The following COL24A1 variants were observed in gnomAD, a reference collection of about 807,000 sequenced individuals.
COL24A1 encodes the protein collagen alpha-1(XXIV) chain.
In COL24A1, 224 loss-of-function variants were observed where a neutral mutation model predicts 253.9. The observed-to-expected ratio is 0.88, with a 90% confidence interval of 0.79 to 0.99. COL24A1 has a LOEUF of 0.99. COL24A1 is among the 50% of genes least tolerant of loss of function. The pLI, the probability that COL24A1 is intolerant of heterozygous loss-of-function variation, is 0.00. For missense variants in COL24A1, 2,131 were observed against 2,068.5 expected, an observed-to-expected ratio of 1.03 and a Z score of -0.59; for synonymous variants, 685 against 673.7, an observed-to-expected ratio of 1.02 and a Z score of -0.26.
chr1:85,779,135 A>G (rs1487675753), intron 52 of COL24A1, among the ~76,000 whole-genome samples: 2 of 151,856 alleles, frequency 1.3e-5, no homozygotes, highest in African/African-American at 4.8e-5. Flanking sequence ...CCTCCCAAGT[A>G]GCTAGGGCTT....
intron 24 of COL24A1, among the ~76,000 whole-genome samples, chr1:85,941,222 T>C (rs1178194968): frequency 6.6e-6 from 1 of 152,196 alleles, no homozygotes; most frequent in South Asian, 2.1e-4. Context: ...ATTAGTTCTA[T>C]ATTTCTTCCA....
rs1367916482 is a variant in COL24A1, at chr1:86,033,795, T to C, written c.2004+75A>G. 25 of 1,241,632 alleles carry C rather than the reference T, an allele frequency of 2.0e-5. No homozygotes were observed. The East Asian group carries it at 4.9e-4, about 24-fold the overall frequency. 76.9% of individuals were successfully genotyped at this position (1,241,632 alleles called of 1,614,324 possible). On this transcript the variant is annotated intron_variant, in intron 13 of 59. Coordinates refer to ENST00000370571, the MANE Select transcript of COL24A1 (RefSeq NM_152890.7). ...TAGTGTTTATTCACAAATATGATAATAAGGACTGTAAGTGCAGTGCTATGA... is the reference window on the plus strand; with the variant it reads ...TAGTGTTTATTCACAAATATGATAACAAGGACTGTAAGTGCAGTGCTATGA...
At chr1:86,115,476 A>G in intron 3 of COL24A1, 98 bp from the exon 4 acceptor site, 1 of 1,120,168 alleles carries the variant, frequency 8.9e-7, no homozygotes, top group Non-Finnish European at 1.3e-6. Flanking sequence ...ACTCTTTTTC[A>G]GTCCCCAGTT....
At chr1:85,979,084 A>G (rs1367018564) in intron 20 of COL24A1, among the ~76,000 whole-genome samples, 1 of 152,186 alleles carries the variant, frequency 6.6e-6, no homozygotes, top group African/African-American at 2.4e-5. Flanking sequence ...CTGCTCCTGA[A>G]TGATCTCTGG....
At chr1:86,097,551 C>G (rs1173828296) in intron 5 of COL24A1, among the ~76,000 whole-genome samples, 7 of 7,148 alleles carry the variant, frequency 9.8e-4, no homozygotes, top group Non-Finnish European at 2.1e-3. Context: ...CTCCTCCCTC[C>G]TCCTCCCTTC....
chr1:85,984,584 G>T (rs373796068), intron 20 of COL24A1, among the ~76,000 whole-genome samples: 3 of 151,926 alleles, frequency 2.0e-5, no homozygotes, highest in South Asian at 4.1e-4. Context: ...AATGTATAAA[G>T]TTCAAGTTCC....
At chr1:86,014,157 G>A (rs928522184) in intron 19 of COL24A1, among the ~76,000 whole-genome samples, 3 of 152,044 alleles carry the variant, frequency 2.0e-5, no homozygotes, top group Non-Finnish European at 4.4e-5. Context: ...TCCTCTAAAT[G>A]TTGCTTCAGC....
Position 85,784,271 on chromosome 1 carries a change from C to G in COL24A1, c.4155G>C (p.Leu1385=). The part of the protein sequence containing the change: ...GDQGPCGDPG[L]KGQPGEYGVQ... ...AGGTGGTACATACAGGCTGCCCTTTCAGGCCAGGGTCTCCACATGGTCCTT... is the reference window on the plus strand; with the variant it reads ...AGGTGGTACATACAGGCTGCCCTTTGAGGCCAGGGTCTCCACATGGTCCTT... The change falls in exon 49 of 60, where the codon CTG becomes CTC. Residue 1385 remains leucine (L), a synonymous_variant. Transcript: ENST00000370571. 1 of 1,614,022 alleles carries G rather than the reference C, an allele frequency of 6.2e-7. No individual in the cohort carries two copies. Among genetic ancestry groups the G allele is most frequent in the Non-Finnish European group, 8.5e-7 (1 of 1,179,918 alleles).
At chr1:85,890,699 A>G (rs1396152497) in intron 31 of COL24A1, among the ~76,000 whole-genome samples, 1 of 152,080 alleles carries the variant, frequency 6.6e-6, no homozygotes, top group African/African-American at 2.4e-5. Flanking sequence ...TTAAATCTGA[A>G]TTTCTTTATA....
intron 24 of COL24A1, among the ~76,000 whole-genome samples, chr1:85,959,120 ATCTC>A (rs1272002495): frequency 6.6e-5 from 10 of 152,154 alleles, no homozygotes; most frequent in Admixed American, 3.9e-4. Context: ...ATCTTCTCCT[ATCTC>A]TCAAGAATTT....
At chr1:85,960,640 T>C (rs931881291) in intron 24 of COL24A1, 2 of 152,218 alleles carry the variant, frequency 1.3e-5, no homozygotes, top group African/African-American at 4.8e-5. Context: ...CCCAGCACTT[T>C]GGGAAGCTGA....
In COL24A1 at chr1:86,125,205, G is replaced by T. The variant is rs1648065824; in HGVS notation, c.1131C>A (p.Ile377=). Reference sequence around the variant, plus strand: ...CAGTTACTCTATCATCATGTTGTGTGATATTGTCAGACATGTTTAGGAGAG... The same window carrying T: ...CAGTTACTCTATCATCATGTTGTGTTATATTGTCAGACATGTTTAGGAGAG... ...FSSLLNMSDN[I]TQHDDRVTGL... The change falls in exon 3 of 60, where the codon ATC becomes ATA. Residue 377 remains isoleucine, a synonymous_variant. Transcript: ENST00000370571. 6.2e-7 allele frequency: 1 copy of T among 1,613,438 alleles called. No individual in the cohort carries two copies. The highest frequency in any genetic ancestry group is 1.7e-5 in the Admixed American group (1 of 59,852).
intron 19 of COL24A1, among the ~76,000 whole-genome samples, chr1:86,008,478 C>A (rs913162933): frequency 6.6e-6 from 1 of 152,068 alleles, no homozygotes; most frequent in African/African-American, 2.4e-5. Context: ...AACTCCTGGG[C>A]TCAAGCAATC....
chr1:86,130,595 C>T (rs1317822459), intron 2 of COL24A1, among the ~76,000 whole-genome samples: 2 of 151,932 alleles, frequency 1.3e-5, no homozygotes, highest in East Asian at 3.9e-4. Flanking sequence ...ATTTTCCTCC[C>T]TTTAACCCTT....
At position 85,874,642 on chromosome 1, in the gene COL24A1, C is replaced by G. The variant is rs1002032382; in HGVS notation, c.3138+7G>C. On this transcript the variant is annotated splice_region_variant and intron_variant, in intron 35 of 59. Transcript: ENST00000370571. ...GTGTATTAAAAGAGTTTCAAGGGGG[C>G]ACTCACCCGTAAACCTGGTTCCCCA... 3 of 1,611,902 alleles carry G rather than the reference C, an allele frequency of 1.9e-6. No homozygotes were observed. Among genetic ancestry groups the G allele is most frequent in the Non-Finnish European group, 2.5e-6 (3 of 1,179,450 alleles).
At chr1:85,924,769 A>G (rs927459238) in intron 24 of COL24A1, among the ~76,000 whole-genome samples, 4 of 152,188 alleles carry the variant, frequency 2.6e-5, no homozygotes, top group Admixed American at 1.3e-4. Context: ...CACAAGACAG[A>G]GATGCCCTCT....
chr1:85,922,477 A>G (rs1686629205), intron 24 of COL24A1, among the ~76,000 whole-genome samples: 1 of 152,242 alleles, frequency 6.6e-6, no homozygotes, highest in Non-Finnish European at 1.5e-5. Context: ...CTCTTGGCAG[A>G]AACTCTATAA....
At chr1:85,802,051 C>T (rs1323767896) in intron 47 of COL24A1, among the ~76,000 whole-genome samples, 1 of 152,188 alleles carries the variant, frequency 6.6e-6, no homozygotes, top group East Asian at 1.9e-4. Flanking sequence ...CTTCACCAGT[C>T]TAGTTCAAAC....
chr1:86,032,371 T>TC lies in COL24A1; in HGVS notation c.2005-450dup, dbSNP rs148258392. Among the ~76,000 whole-genome samples, 373 of 152,320 alleles carry TC rather than the reference T, an allele frequency of 2.4e-3. 10 individuals carry two copies. In the East Asian group the frequency reaches 0.046, roughly 19 times the overall value. On this transcript the variant is annotated intron_variant, in intron 13 of 59. Transcript: ENST00000370571. Reference sequence around the variant, plus strand: ...TTAAATTCTCTAATCTTCATTTTTCTCATTAAAATAGAAATACCAATATTT... The same window carrying TC: ...TTAAATTCTCTAATCTTCATTTTTCTCCATTAAAATAGAAATACCAATATTT...
Sources: allele counts gnomAD v4.1 joint callset (sites outside exome capture counted in the v4.1 genomes callset), GRCh38; gene constraint gnomAD v4.1.1; transcripts MANE v1.5; gene names NCBI Gene and HGNC (gene_info 2026-07-23, HGNC 2026-07-21).